KPNA1: variants seen among roughly 807,000 people sequenced by gnomAD.
KPNA1 encodes importin subunit alpha-5.
In KPNA1, 10 loss-of-function variants were observed where a neutral mutation model predicts 70.5. The observed-to-expected ratio is 0.14, with a 90% CI of 0.09 to 0.24. KPNA1 has a LOEUF of 0.24. Among genes scored for constraint, KPNA1 ranks in the 10% least tolerant of loss-of-function variants. The pLI is 1.00. For missense variants in KPNA1, 397 were observed against 637.9 expected (o/e 0.62, Z 4.07); for synonymous variants, 192 against 221.9 (o/e 0.87, Z 1.20).
intron 2 of KPNA1, among the ~76,000 whole-genome samples, chr3:122,469,658 A>T (rs1240206135): frequency 6.6e-6 from 1 of 152,192 alleles, no homozygotes; most frequent in Non-Finnish European, 1.5e-5. Flanking sequence ...TTGGTCTGGG[A>T]ACAAAACCAC....
Position 122,482,015 on chromosome 3 carries a change from AAGAG to A in KPNA1, c.129+14418_129+14421del, listed in dbSNP as rs1373545360. On this transcript the variant is annotated intron_variant, in intron 2 of 13. Transcript: ENST00000344337. ...TACATAGAAATAAAAACTTTTTAAA[AAGAG>A]AGAGAACTTCCTTAATCTCATAAAA... Among the ~76,000 whole-genome samples the A allele has an allele frequency of 3.9e-5, 6 of 152,364 alleles. No individual in the cohort carries two copies. The East Asian group carries it at 5.8e-4, about 15-fold the overall frequency.
intron 2 of KPNA1, among the ~76,000 whole-genome samples, chr3:122,472,431 G>A (rs575440625): frequency 9.2e-5 from 14 of 152,188 alleles, no homozygotes; most frequent in Admixed American, 8.5e-4. Flanking sequence ...ATGGGATGAC[G>A]TGAAAGCAGT....
chr3:122,502,846 G>A (rs1046344010), intron 1 of KPNA1, among the ~76,000 whole-genome samples: 6 of 152,142 alleles, frequency 3.9e-5, no homozygotes, highest in African/African-American at 7.2e-5. Flanking sequence ...AGTGGGACGC[G>A]GTAGTTCACG....
intron 2 of KPNA1, chr3:122,483,046 C>G (rs1379782606): frequency 6.5e-6 from 1 of 154,142 alleles, no homozygotes; most frequent in East Asian, 1.9e-4. Context: ...GGAGACCCAG[C>G]ACAGTTCTCA....
chr3:122,497,152 G>T (rs965704094), intron 1 of KPNA1, among the ~76,000 whole-genome samples: 1 of 152,114 alleles, frequency 6.6e-6, no homozygotes, highest in Non-Finnish European at 1.5e-5. Flanking sequence ...TCCCTATTCT[G>T]GACATTTCAC....
At chr3:122,439,534 G>C (rs956800198) in intron 10 of KPNA1, among the ~76,000 whole-genome samples, 11 of 151,990 alleles carry the variant, frequency 7.2e-5, no homozygotes, top group African/African-American at 2.7e-4. Context: ...AAAAATAATA[G>C]GCTAGAAAGA....
At chr3:122,478,726 TAAAA>T (rs772969909) in intron 2 of KPNA1, among the ~76,000 whole-genome samples, 1 of 113,718 alleles carries the variant, frequency 8.8e-6, no homozygotes. Context: ...AGGCTTCATC[TAAAA>T]AAAAAAAAAA....
chr3:122,479,502 G>A (rs2076545861), intron 2 of KPNA1, among the ~76,000 whole-genome samples: 1 of 152,216 alleles, frequency 6.6e-6, no homozygotes, highest in South Asian at 2.1e-4. Flanking sequence ...GCTCATGCCT[G>A]TAATCCCAGC....
At chr3:122,455,747 G>C (rs1219586371) in intron 5 of KPNA1, among the ~76,000 whole-genome samples, 2 of 151,932 alleles carry the variant, frequency 1.3e-5, no homozygotes, top group African/African-American at 4.8e-5. Flanking sequence ...GTAGAGACGA[G>C]GTTTCATCAT....
intron 4 of KPNA1, 91 bp from the exon 5 acceptor site, chr3:122,461,409 A>G: frequency 1.3e-6 from 1 of 748,872 alleles, no homozygotes; most frequent in East Asian, 2.6e-5. Flanking sequence ...CCCTCCCTCC[A>G]TTTACCATCT....
intron 9 of KPNA1, among the ~76,000 whole-genome samples, chr3:122,448,998 G>C (rs2076170663): frequency 6.6e-6 from 1 of 152,152 alleles, no homozygotes; most frequent in Non-Finnish European, 1.5e-5. Flanking sequence ...TTGCGACAAT[G>C]TCTCTTTGCA....
chr3:122,511,533 C>T (rs1434364474), intron 1 of KPNA1, among the ~76,000 whole-genome samples: 1 of 152,090 alleles, frequency 6.6e-6, no homozygotes, highest in Non-Finnish European at 1.5e-5. Flanking sequence ...ACATACATTC[C>T]CACAGTCTTC....
At chr3:122,428,287 C>G (rs2075849720) in intron 12 of KPNA1, among the ~76,000 whole-genome samples, 1 of 152,182 alleles carries the variant, frequency 6.6e-6, no homozygotes, top group South Asian at 2.1e-4. Flanking sequence ...GTATCACATT[C>G]ACAGTAAATA....
intron 2 of KPNA1, among the ~76,000 whole-genome samples, chr3:122,492,069 C>A (rs1282066323): frequency 1.3e-5 from 2 of 151,708 alleles, no homozygotes; most frequent in Non-Finnish European, 2.9e-5. Context: ...ACCGTGTTAG[C>A]CAGGATGGTC....
intron 3 of KPNA1, among the ~76,000 whole-genome samples, chr3:122,465,899 C>T (rs1357951115): frequency 6.6e-6 from 1 of 152,216 alleles, no homozygotes; most frequent in African/African-American, 2.4e-5. Flanking sequence ...GCCAGTGTGC[C>T]CTACAGATTT....
chr3:122,501,080 G>T (rs2076824276), intron 1 of KPNA1, among the ~76,000 whole-genome samples: 1 of 148,188 alleles, frequency 6.7e-6, no homozygotes, highest in East Asian at 2.0e-4. Flanking sequence ...CCAAGCTGAA[G>T]GGCAGTGGCA....
chr3:122,443,905 T>C (rs1418705388), intron 9 of KPNA1, among the ~76,000 whole-genome samples: 1 of 152,174 alleles, frequency 6.6e-6, no homozygotes, highest in African/African-American at 2.4e-5. Flanking sequence ...ATAAACATCT[T>C]AACAAGAAAC....
At chr3:122,460,578 A>G (rs2076313201) in intron 5 of KPNA1, 1 of 237,572 alleles carries the variant, frequency 4.2e-6, no homozygotes, top group Non-Finnish European at 6.8e-6. Context: ...TGGAATTTGC[A>G]GTGAGCTGAG....
At chr3:122,473,206 T>C (rs536898049) in intron 2 of KPNA1, among the ~76,000 whole-genome samples, 3 of 152,224 alleles carry the variant, frequency 2.0e-5, no homozygotes, top group Admixed American at 1.3e-4. Flanking sequence ...ACAATCTGAA[T>C]AGGCCTGTAT....
Sources: gnomAD v4.1 joint callset for allele counts (sites outside exome capture counted in the v4.1 genomes callset) on GRCh38, gnomAD v4.1.1 for gene constraint, MANE v1.5 for transcripts, NCBI Gene and HGNC (gene_info 2026-07-23, HGNC 2026-07-21) for gene names.